Variants in NR1H4 observed in about 807,000 individuals in gnomAD.
The protein encoded by NR1H4 is nuclear receptor subfamily 1 group H member 4.
Under a neutral mutation model 58.5 loss-of-function variants are expected in NR1H4, and 23 were observed. The observed-to-expected ratio is 0.39, with a 90% confidence interval of 0.28 to 0.56. The LOEUF (loss-of-function observed/expected upper bound fraction) is 0.56. Among genes scored for constraint, NR1H4 ranks in the 20% least tolerant of loss-of-function variants. The pLI, the probability that NR1H4 is intolerant of heterozygous loss-of-function variation, is 0.58. For synonymous variants in NR1H4, 214 were observed against 198.0 expected, an observed-to-expected ratio of 1.08 and a Z score of -0.68; for missense variants, 487 against 576.9, an observed-to-expected ratio of 0.84 and a Z score of 1.60.
chr12:100,492,072 C>T (rs1352210974), intron 1 of NR1H4, among the ~76,000 whole-genome samples: 1 of 152,046 alleles, frequency 6.6e-6, no homozygotes, highest in Non-Finnish European at 1.5e-5. Context: ...GTTTATTTTC[C>T]TTTTGCCATT....
At chr12:100,522,783 A>G (rs1761355644) in intron 4 of NR1H4, among the ~76,000 whole-genome samples, 2 of 152,138 alleles carry the variant, frequency 1.3e-5, no homozygotes. Flanking sequence ...CTTAGGTCCC[A>G]CTTGTAAGTG....
At chr12:100,523,156 A>G (rs965532064) in intron 4 of NR1H4, among the ~76,000 whole-genome samples, 1 of 152,162 alleles carries the variant, frequency 6.6e-6, no homozygotes, top group African/African-American at 2.4e-5. Context: ...GGTTGTACTA[A>G]TTTACATTCT....
intron 1 of NR1H4, among the ~76,000 whole-genome samples, chr12:100,487,395 G>T (rs12312227): frequency 6.6e-6 from 1 of 152,094 alleles, no homozygotes; most frequent in South Asian, 2.1e-4. Flanking sequence ...TAAAGTTGGG[G>T]TTTTATTAAG....
intron 1 of NR1H4, among the ~76,000 whole-genome samples, chr12:100,479,459 A>G (rs571378509): frequency 3.9e-5 from 6 of 152,314 alleles, no homozygotes; most frequent in Non-Finnish European, 8.8e-5. Context: ...TCTTCCACTG[A>G]TTTGAGCTGA....
At position 100,534,886 on chromosome 12, in the gene NR1H4, T is replaced by A. The variant is rs1170736375; in HGVS notation, c.599-4T>A. 1 of 1,614,082 alleles carries A rather than the reference T, an allele frequency of 6.2e-7. No individual in the cohort carries two copies. The highest frequency in any genetic ancestry group is 8.5e-7 in the Non-Finnish European group (1 of 1,180,024). The stretch of plus-strand genomic sequence containing the variant: ...GGTGAAGTCTCTATGCTTATTTGTT[T>A]TAGGCTTGTTAACTGAAATTCAGTG... On this transcript the variant is annotated splice_region_variant and splice_polypyrimidine_tract_variant and intron_variant, in intron 5 of 10. Transcript: ENST00000392986.
At chr12:100,507,891 T>C (rs1322865393) in intron 3 of NR1H4, among the ~76,000 whole-genome samples, 2 of 152,190 alleles carry the variant, frequency 1.3e-5, no homozygotes, top group Admixed American at 1.3e-4. Context: ...CAACATGTAA[T>C]ATGTATATTC....
intron 1 of NR1H4, among the ~76,000 whole-genome samples, chr12:100,486,132 G>T (rs1418156615): frequency 6.6e-6 from 1 of 152,062 alleles, no homozygotes; most frequent in Non-Finnish European, 1.5e-5. Flanking sequence ...TCAGGAGGAG[G>T]TGCTGAGTGA....
In NR1H4 at chr12:100,551,294, T is replaced by C. The variant is rs570985515; in HGVS notation, c.1078+10476T>C. Among the ~76,000 whole-genome samples the C allele has an allele frequency of 7.2e-5, 11 of 152,346 alleles. 1 individual carries two copies. The highest frequency in any genetic ancestry group is 2.6e-4 in the African/African-American group (11 of 41,580). On this transcript the variant is annotated intron_variant, in intron 9 of 10. Transcript: ENST00000392986. Reference sequence around the variant, plus strand: ...GAAGTTGTAGCCCTTAATAGTACCATACTAAAATATACTGTGCTTATTTTT... The same window carrying C: ...GAAGTTGTAGCCCTTAATAGTACCACACTAAAATATACTGTGCTTATTTTT...
intron 3 of NR1H4, among the ~76,000 whole-genome samples, chr12:100,509,330 A>T (rs752623352): frequency 6.6e-6 from 1 of 152,136 alleles, no homozygotes; most frequent in African/African-American, 2.4e-5. Flanking sequence ...CATAATTTCA[A>T]TTTTTTATTT....
intron 3 of NR1H4, among the ~76,000 whole-genome samples, chr12:100,498,623 CCAAA>C (rs757494771): frequency 4.0e-4 from 61 of 151,504 alleles, no homozygotes; most frequent in Admixed American, 9.9e-4. Context: ...AAAAAAAAAA[CCAAA>C]CAAACAAAAC....
At chr12:100,478,690 T>G (rs1953319447) in intron 1 of NR1H4, among the ~76,000 whole-genome samples, 1 of 152,200 alleles carries the variant, frequency 6.6e-6, no homozygotes. Flanking sequence ...TGTTGATGGT[T>G]TTTTAGGTGG....
chr12:100,561,093 C>A (rs752037378), intron 9 of NR1H4, among the ~76,000 whole-genome samples: 14 of 152,168 alleles, frequency 9.2e-5, no homozygotes, highest in Admixed American at 2.6e-4. Context: ...AGATCAGAAC[C>A]CTTTGATAAG....
intron 4 of NR1H4, among the ~76,000 whole-genome samples, chr12:100,513,801 AAAGGAAGGAAGGAAGG>A (rs199813041): frequency 0.25 from 29,460 of 115,824 alleles, 4,376 homozygotes; most frequent in East Asian, 0.37. Flanking sequence ...TCAAAGACAG[AAAGGAAGGAAGGAAGG>A]AAGGAAGGAA....
At chr12:100,528,000 A>G (rs1954604359) in intron 4 of NR1H4, among the ~76,000 whole-genome samples, 1 of 152,176 alleles carries the variant, frequency 6.6e-6, no homozygotes. Flanking sequence ...AAGCGGAGAC[A>G]GACCTAGAAG....
chr12:100,492,402 A>G (rs557930125), intron 1 of NR1H4, 101 bp from the exon 2 acceptor site: 32 of 152,364 alleles, frequency 2.1e-4, no homozygotes, highest in African/African-American at 7.5e-4. Context: ...GACAGAAAAA[A>G]AAGGTTTGAA....
chr12:100,529,340 ATAGTCTCCTCTCTC>A (rs1954636667), intron 4 of NR1H4, among the ~76,000 whole-genome samples: 1 of 152,074 alleles, frequency 6.6e-6, no homozygotes, highest in Non-Finnish European at 1.5e-5. Context: ...TATTATGGCA[ATAGTCTCCTCTCTC>A]TAGTCTCCAA....
chr12:100,524,737 T>A (rs1954513535), intron 4 of NR1H4, among the ~76,000 whole-genome samples: 1 of 152,208 alleles, frequency 6.6e-6, no homozygotes, highest in East Asian at 1.9e-4. Context: ...AGGCAACCCC[T>A]AAGAACCACT....
intron 1 of NR1H4, among the ~76,000 whole-genome samples, chr12:100,486,257 A>G (rs1265048434): frequency 1.6e-4 from 25 of 152,220 alleles, no homozygotes; most frequent in Admixed American, 1.6e-3. Flanking sequence ...TTATTTCTGC[A>G]TATGTAAAAC....
chr12:100,553,152 C>T (rs1394899029), intron 9 of NR1H4, among the ~76,000 whole-genome samples: 1 of 152,140 alleles, frequency 6.6e-6, no homozygotes, highest in Admixed American at 6.5e-5. Context: ...GCGCGTGCCA[C>T]CACACCTAGC....
Sources: gnomAD v4.1 joint callset for allele counts (sites outside exome capture counted in the v4.1 genomes callset) on GRCh38, gnomAD v4.1.1 for gene constraint, MANE v1.5 for transcripts, NCBI Gene and HGNC (gene_info 2026-07-23, HGNC 2026-07-21) for gene names.